The following LRP5 variants were observed in gnomAD, a reference collection of about 807,000 sequenced individuals.
LRP5 encodes the protein LDL receptor related protein 5.
In LRP5, 62 loss-of-function variants were observed where a neutral mutation model predicts 154.1. The observed-to-expected ratio is 0.40, with a 90% CI of 0.33 to 0.50. The LOEUF is 0.50. LRP5 is among the 20% of genes least tolerant of loss of function. The pLI is 0.55. For synonymous variants in LRP5, 966 were observed against 1,011.5 expected, an observed-to-expected ratio of 0.96 and a Z score of 0.85; for missense variants, 1,915 against 2,336.7, an observed-to-expected ratio of 0.82 and a Z score of 3.72.
At chr11:68,308,142 G>A (rs1051005194), upstream of LRP5, among the ~76,000 whole-genome samples, 18 of 152,240 alleles carry the variant, frequency 1.2e-4, no homozygotes, top group African/African-American at 3.6e-4. Flanking sequence ...TGAGGAATGA[G>A]CCTGGCAGTG....
chr11:68,299,784 T>C, the LRP5 span, among the ~76,000 whole-genome samples: 283 of 135,528 alleles, frequency 2.1e-3, 5 homozygotes, highest in African/African-American at 6.7e-3. Flanking sequence ...GGTTTCACCA[T>C]GTTGGCCAAG....
intron 1 of LRP5, among the ~76,000 whole-genome samples, chr11:68,334,592 A>G (rs940444477): frequency 6.6e-6 from 1 of 152,206 alleles, no homozygotes; most frequent in Non-Finnish European, 1.5e-5. Context: ...AAGTGTATGT[A>G]GGCTAGGCAC....
intron 1 of LRP5, among the ~76,000 whole-genome samples, chr11:68,341,080 C>CTTTTTTTTTTTTTTTTTTTTTTTTTTTTA (rs2098608853): frequency 1.8e-5 from 1 of 55,478 alleles, no homozygotes; most frequent in African/African-American, 1.0e-4. Flanking sequence ...TTTTTTTTTG[C>CTTTTTTTTTTTTTTTTTTTTTTTTTTTTA]TATTACAAAT....
chr11:68,398,739 C>G (rs2098650977), intron 7 of LRP5, among the ~76,000 whole-genome samples: 1 of 151,836 alleles, frequency 6.6e-6, no homozygotes, highest in African/African-American at 2.4e-5. Context: ...TTTCAGTGTC[C>G]ATAAATAATT....
chr11:68,307,659 A>G (rs1201584240), upstream of LRP5, among the ~76,000 whole-genome samples: 19 of 152,122 alleles, frequency 1.2e-4, no homozygotes, highest in Admixed American at 1.2e-3. Context: ...CCTTGTCTCA[A>G]AAGAAAAAAT....
At chr11:68,358,541 C>T (rs567890109) in intron 3 of LRP5, among the ~76,000 whole-genome samples, 3 of 152,242 alleles carry the variant, frequency 2.0e-5, no homozygotes, top group East Asian at 3.9e-4. Flanking sequence ...CCCTGTCACA[C>T]GCACCACCCC....
intron 1 of LRP5, among the ~76,000 whole-genome samples, chr11:68,326,963 G>A (rs312024): frequency 0.27 from 41,572 of 152,186 alleles, 7,397 homozygotes; most frequent in South Asian, 0.59. Context: ...CAGTTGAGGA[G>A]AACGTGGACT....
intron 5 of LRP5, among the ~76,000 whole-genome samples, chr11:68,369,526 G>A (rs997599211): frequency 6.6e-6 from 1 of 152,098 alleles, no homozygotes; most frequent in Non-Finnish European, 1.5e-5. Context: ...TGCCTGTCAG[G>A]TGCCTTGCCC....
At position 68,443,560 on chromosome 11, in the gene LRP5, TA is replaced by T. The variant is rs1565121905; in HGVS notation, c.4489-2875del. ...CTTTTATGGCATATATATATATATATATATATATATATATATATATATATAT... is the reference window on the plus strand; with the variant it reads ...CTTTTATGGCATATATATATATATATTATATATATATATATATATATATAT... On this transcript the variant is annotated intron_variant, in intron 21 of 22. Transcript: ENST00000294304. 9.3e-4 allele frequency among the ~76,000 whole-genome samples: 35 copies of T among 37,828 alleles called. 2 individuals are homozygous for T. Among genetic ancestry groups the T allele is most frequent in the African/African-American group, 3.9e-3 (33 of 8,414 alleles). The allele number at this position is 37,828 out of a possible 152,430, so 24.8% of individuals were successfully genotyped here. A position where few individuals can be genotyped will look rare whatever the true frequency, so the allele number is the denominator to read the frequency against.
chr11:68,355,099 G>T (rs2098622073), intron 2 of LRP5, among the ~76,000 whole-genome samples: 1 of 152,198 alleles, frequency 6.6e-6, no homozygotes, highest in Admixed American at 6.5e-5. Context: ...AAGGAAGCAT[G>T]GCCCCCTGGA....
At chr11:68,424,777 G>C (rs910976019) in intron 14 of LRP5, among the ~76,000 whole-genome samples, 2 of 152,210 alleles carry the variant, frequency 1.3e-5, no homozygotes, top group South Asian at 4.1e-4. Context: ...CAGTCTCTCT[G>C]TCTGGCTGCA....
At chr11:68,380,229 G>A (rs2098639571) in intron 5 of LRP5, among the ~76,000 whole-genome samples, 1 of 152,232 alleles carries the variant, frequency 6.6e-6, no homozygotes, top group Non-Finnish European at 1.5e-5. Flanking sequence ...AGCTCGGAAT[G>A]CTTTTTACAT....
In LRP5 at chr11:68,409,946, G is replaced by T; in HGVS notation, c.2124G>T (p.Ser708=). Residue 708 remains serine (S), a synonymous_variant, in exon 10 of 23, where the codon TCG becomes TCT. Transcript: ENST00000294304. ...GCCGCGCCTTCATGAACGGGAGCTC[G>T]GTGGAGCACGTGGTGGAGTTTGGCC... is the stretch of plus-strand genomic sequence containing the variant. The part of the protein sequence containing the change: ...TISRAFMNGS[S]VEHVVEFGLD... 2 of 1,614,052 alleles carry T rather than the reference G, an allele frequency of 1.2e-6. No homozygotes were observed. Among genetic ancestry groups the T allele is most frequent in the Non-Finnish European group, 8.5e-7 (1 of 1,180,022 alleles).
At chr11:68,351,427 G>A (rs1354957715) in intron 2 of LRP5, among the ~76,000 whole-genome samples, 6 of 152,114 alleles carry the variant, frequency 3.9e-5, no homozygotes, top group East Asian at 3.9e-4. Context: ...TGGAAGGGTC[G>A]GCTGGTGTAG....
At chr11:68,357,892 C>T (rs769762983) in intron 3 of LRP5, 45 bp downstream of exon 3, 28 of 1,560,196 alleles carry the variant, frequency 1.8e-5, no homozygotes, top group Non-Finnish European at 2.3e-5. Flanking sequence ...CCCTTTGTCC[C>T]CAGGGCTTTT....
chr11:68,389,076 A>G (rs576781756), intron 6 of LRP5, among the ~76,000 whole-genome samples: 6 of 150,996 alleles, frequency 4.0e-5, no homozygotes, highest in Admixed American at 2.6e-4. Context: ...TACCAACACT[A>G]TTTACCAACA....
In LRP5 at chr11:68,403,522, G is replaced by A. The variant is rs769557748; in HGVS notation, c.1624G>A (p.Glu542Lys). 6.2e-7 allele frequency: 1 copy of A among 1,614,206 alleles called. No individual in the cohort carries two copies. Among genetic ancestry groups the A allele is most frequent in the East Asian group, 2.2e-5 (1 of 44,876 alleles). ...VDGTKRRTLL[E>K]DKLPHIFGFT... ...TGGGACGAAGAGGCGGACCCTCCTG[G>A]AGGACAAGCTCCCGCACATTTTTGG... is the stretch of plus-strand genomic sequence containing the variant. Residue 542 changes from glutamate (E) to lysine (K), a missense_variant, in exon 8 of 23, where the codon GAG (glutamate) becomes AAG (lysine). Glu to Lys is a moderately conservative substitution (Grantham distance 56). Transcript: ENST00000294304.
chr11:68,404,798 G>A (rs1319709123), intron 8 of LRP5, among the ~76,000 whole-genome samples: 4 of 151,814 alleles, frequency 2.6e-5, no homozygotes, highest in East Asian at 1.9e-4. Context: ...GTGAAACCCC[G>A]TCTCTACTAA....
intron 22 of LRP5, 124 bp from the exon 23 acceptor site, chr11:68,448,685 C>A: frequency 8.0e-7 from 1 of 1,249,676 alleles, no homozygotes; most frequent in Non-Finnish European, 1.1e-6. Flanking sequence ...GGTCCAGAGT[C>A]CGGCCTGCAT....
Sources: gnomAD v4.1 joint callset for allele counts (sites outside exome capture counted in the v4.1 genomes callset) on GRCh38, gnomAD v4.1.1 for gene constraint, MANE v1.5 for transcripts, NCBI Gene and HGNC (gene_info 2026-07-23, HGNC 2026-07-21) for gene names.